The following RBMS2 variants were observed in gnomAD, a reference collection of about 807,000 sequenced individuals.
RBMS2 encodes the protein RNA binding motif single stranded interacting protein 2.
RBMS2 carries 38 observed loss-of-function variants against 58.4 expected under a neutral mutation model. The observed-to-expected ratio is 0.65, with a 90% CI of 0.50 to 0.85. RBMS2 has a LOEUF of 0.85. RBMS2 is among the 40% of genes least tolerant of loss of function. The pLI, the probability that RBMS2 is intolerant of heterozygous loss-of-function variation, is 0.00. For missense variants in RBMS2, 367 were observed against 503.7 expected (o/e 0.73, Z 2.60); for synonymous variants, 151 against 180.7 (o/e 0.84, Z 1.32).
intron 1 of RBMS2, among the ~76,000 whole-genome samples, chr12:56,551,553 G>C (rs1283740689): frequency 6.6e-6 from 1 of 152,130 alleles, no homozygotes; most frequent in African/African-American, 2.4e-5. Flanking sequence ...TTTATATAGA[G>C]AGAAATGACA....
At position 56,571,758 on chromosome 12, in the gene RBMS2, C is replaced by G; in HGVS notation, c.445C>G (p.Gln149Glu). Residue 149 changes from glutamine (Q) to glutamate (E), a missense_variant, in exon 5 of 14, where the codon CAG (glutamine) becomes GAG (glutamate). By Grantham distance (29) the Gln-to-Glu change is conservative. Transcript: ENST00000262031. ...AAACCTCCCACTGTCAATGGATGAG[C>G]AGGAACTGGAGGGGATGCTGAAGCC... ...ISNLPLSMDE[Q>E]ELEGMLKPFG... 1 of 1,599,380 alleles carries G rather than the reference C, an allele frequency of 6.3e-7. No individual in the cohort carries two copies. Among genetic ancestry groups the G allele is most frequent in the South Asian group, 1.1e-5 (1 of 89,220 alleles).
At chr12:56,559,427 C>A (rs1348049376) in intron 1 of RBMS2, among the ~76,000 whole-genome samples, 2 of 151,476 alleles carry the variant, frequency 1.3e-5, no homozygotes, top group Admixed American at 1.3e-4. Context: ...ACCTCGTGAT[C>A]TCCCCACCTC....
At position 56,569,083 on chromosome 12, in the gene RBMS2, A is replaced by T. The variant is rs746191267; in HGVS notation, c.292+50A>T. ...TTGGAGAGCACCAGTAAGTGAGGCC[A>T]TCCCTTGACACTGCCCTTTACTGCT... On this transcript the variant is annotated intron_variant, in intron 3 of 13. Transcript: ENST00000262031. The T allele has an allele frequency of 2.7e-6, 4 of 1,504,552 alleles. No individual in the cohort carries two copies. In the African/African-American group the frequency reaches 5.5e-5, roughly 21 times the overall value. The allele number at this position is 1,504,552 out of a possible 1,614,324, so 93.2% of individuals were successfully genotyped here.
At chr12:56,584,560 C>G (rs201899533) in intron 9 of RBMS2, among the ~76,000 whole-genome samples, 1 of 151,914 alleles carries the variant, frequency 6.6e-6, no homozygotes, top group Admixed American at 6.6e-5. Context: ...CCGAGGAGGG[C>G]GGATCACAAG....
chr12:56,575,560 C>A (rs1412755691), intron 5 of RBMS2, among the ~76,000 whole-genome samples: 3 of 150,684 alleles, frequency 2.0e-5, no homozygotes, highest in Admixed American at 1.3e-4. Flanking sequence ...TACCCCTACA[C>A]CCCCCCTCAA....
intron 1 of RBMS2, among the ~76,000 whole-genome samples, chr12:56,529,159 G>A (rs1035336279): frequency 5.9e-5 from 9 of 152,146 alleles, no homozygotes; most frequent in African/African-American, 2.2e-4. Flanking sequence ...ATTCATAATA[G>A]TCCAGAGTGG....
chr12:56,523,654 G>A (rs1872147310), intron 1 of RBMS2, among the ~76,000 whole-genome samples: 1 of 152,128 alleles, frequency 6.6e-6, no homozygotes, highest in Admixed American at 6.5e-5. Flanking sequence ...CAGCTACTCA[G>A]GAGGCTGAAG....
At chr12:56,527,805 C>A (rs933736190) in intron 1 of RBMS2, 1 of 135,604 alleles carries the variant, frequency 7.4e-6, no homozygotes, top group Non-Finnish European at 1.5e-5. Context: ...TGGCCAGTTA[C>A]GTTAATGCAG....
chr12:56,578,307 T>C (rs1304043384), intron 5 of RBMS2, among the ~76,000 whole-genome samples: 1 of 151,894 alleles, frequency 6.6e-6, no homozygotes, highest in Admixed American at 6.6e-5. Flanking sequence ...TTTTGTATTT[T>C]TAGTAGAGAC....
upstream of RBMS2, among the ~76,000 whole-genome samples, chr12:56,521,288 G>A (rs538369547): frequency 6.6e-6 from 1 of 151,962 alleles, no homozygotes; most frequent in Admixed American, 6.6e-5. Context: ...AAATCAGCTG[G>A]GTGTGGTGGT....
At chr12:56,530,775 T>G (rs983562768) in intron 1 of RBMS2, among the ~76,000 whole-genome samples, 3 of 152,206 alleles carry the variant, frequency 2.0e-5, no homozygotes, top group Non-Finnish European at 4.4e-5. Flanking sequence ...ACTCTGATCT[T>G]TTTGTCGTTC....
chr12:56,576,683 T>C (rs1454894988), intron 5 of RBMS2, among the ~76,000 whole-genome samples: 1 of 152,166 alleles, frequency 6.6e-6, no homozygotes, highest in Non-Finnish European at 1.5e-5. Flanking sequence ...GTGTAAAATA[T>C]TTTTATAAAG....
chr12:56,570,432 G>A (rs912103117), intron 4 of RBMS2, among the ~76,000 whole-genome samples: 2 of 152,166 alleles, frequency 1.3e-5, no homozygotes, highest in African/African-American at 4.8e-5. Flanking sequence ...TGGGGAGGCA[G>A]GAGGGAAGCC....
chr12:56,562,985 T>A (rs1880706073), intron 2 of RBMS2, among the ~76,000 whole-genome samples: 1 of 152,066 alleles, frequency 6.6e-6, no homozygotes, highest in African/African-American at 2.4e-5. Flanking sequence ...TAGCCGGGCA[T>A]GGTGGCGGGT....
At chr12:56,577,839 C>T (rs1031273760) in intron 5 of RBMS2, among the ~76,000 whole-genome samples, 9 of 152,132 alleles carry the variant, frequency 5.9e-5, no homozygotes, top group East Asian at 5.8e-4. Context: ...CATGCCGCCA[C>T]GCCCGGCTAA....
chr12:56,548,770 C>T (rs192054570), intron 1 of RBMS2, among the ~76,000 whole-genome samples: 17 of 152,128 alleles, frequency 1.1e-4, no homozygotes, highest in Non-Finnish European at 1.6e-4. Context: ...ATTAGCAAAC[C>T]ATGTGTTTAT....
chr12:56,586,389 C>T (rs1484960800), intron 9 of RBMS2, among the ~76,000 whole-genome samples: 1 of 151,696 alleles, frequency 6.6e-6, no homozygotes, highest in Non-Finnish European at 1.5e-5. Context: ...TACTGCACTC[C>T]AGCCTGGGCA....
intron 5 of RBMS2, among the ~76,000 whole-genome samples, chr12:56,572,150 G>A (rs898042782): frequency 3.9e-5 from 6 of 151,910 alleles, no homozygotes; most frequent in Middle Eastern, 3.4e-3. Context: ...TTAGCCAGAC[G>A]TGGTGGCGCA....
Position 56,521,850 on chromosome 12 carries a change from C to A in RBMS2, c.-174C>A, listed in dbSNP as rs1041726937. The A allele has an allele frequency of 5.8e-6, 3 of 521,164 alleles. No homozygotes were observed. Among genetic ancestry groups the A allele is most frequent in the Non-Finnish European group, 6.7e-6 (2 of 298,700 alleles). The allele number at this position is 521,164 out of a possible 1,614,324, so 32.3% of individuals were successfully genotyped here. A position where few individuals can be genotyped will look rare whatever the true frequency, so the allele number is the denominator to read the frequency against. Reference sequence around the variant, plus strand: ...GAGCTCATTCTCTGCCCGCAGCCCCCCTTCATCTCTCTCCTCCTGCTCCTT... The same window carrying A: ...GAGCTCATTCTCTGCCCGCAGCCCCACTTCATCTCTCTCCTCCTGCTCCTT... On this transcript the variant is annotated 5_prime_UTR_variant, in exon 1 of 14. Transcript: ENST00000262031.
Sources: allele counts gnomAD v4.1 joint callset (sites outside exome capture counted in the v4.1 genomes callset), GRCh38; gene constraint gnomAD v4.1.1; transcripts MANE v1.5; gene names NCBI Gene and HGNC (gene_info 2026-07-23, HGNC 2026-07-21).